The following CSNK1G1 variants were observed in gnomAD, a reference collection of about 807,000 sequenced individuals.
CSNK1G1 encodes the protein casein kinase 1 gamma 1, also known as casein kinase I isoform gamma-1.
CSNK1G1 carries 22 observed loss-of-function variants against 59.6 expected under a neutral mutation model. The ratio of observed to expected loss-of-function variants is 0.37; its 90% CI spans 0.26 to 0.53. The LOEUF is 0.53. Ranked by LOEUF, CSNK1G1 falls within the 20% of genes least tolerant of loss-of-function variation. The pLI, the probability that CSNK1G1 is intolerant of heterozygous loss-of-function variation, is 0.89. For missense variants in CSNK1G1, 384 were observed against 519.5 expected (o/e 0.74, Z 2.54); for synonymous variants, 179 against 177.1 (o/e 1.01, Z -0.08).
At chr15:64,268,973 G>A (rs1448170695) in intron 2 of CSNK1G1, among the ~76,000 whole-genome samples, 1 of 151,614 alleles carries the variant, frequency 6.6e-6, no homozygotes, top group East Asian at 1.9e-4. Flanking sequence ...GCACTGCACA[G>A]TAGTAGGATA....
chr15:64,204,671 G>A, intron 8 of CSNK1G1, 82 bp from the exon 9 acceptor site: 4 of 1,433,712 alleles, frequency 2.8e-6, no homozygotes, highest in Non-Finnish European at 3.9e-6. Context: ...GGCCACAAAG[G>A]GGTTATTTAT....
rs2082284177 is a variant in CSNK1G1, at chr15:64,214,301, T to C, written c.445-177A>G. On this transcript the variant is annotated intron_variant, in intron 5 of 11. Transcript: ENST00000303052. This position sits in a 1 kb window ranked among gnomAD's most constrained non-coding sequence, Gnocchi z 4.3. ...AAACAAAAAAATATTTTGCTATAAA[T>C]ACGTACACAACAAATATCAAGACTA... 1.6e-6 allele frequency: 1 copy of C among 606,822 alleles called. No homozygotes were observed. The highest frequency in any genetic ancestry group is 1.9e-5 in the African/African-American group (1 of 53,934). 37.6% of individuals were successfully genotyped at this position (606,822 alleles called of 1,614,324 possible).
intron 4 of CSNK1G1, among the ~76,000 whole-genome samples, chr15:64,246,805 G>A (rs927633654): frequency 6.6e-6 from 1 of 151,942 alleles, no homozygotes; most frequent in Admixed American, 6.6e-5. Context: ...CCATTTTCCT[G>A]TCATTTACTG....
At chr15:64,265,793 A>C (rs569151797) in intron 2 of CSNK1G1, 4 of 456,534 alleles carry the variant, frequency 8.8e-6, no homozygotes, top group South Asian at 6.2e-5. Context: ...CATTGGAAGA[A>C]AATTGGCCAG....
chr15:64,292,572 T>C (rs1426319101), intron 2 of CSNK1G1, among the ~76,000 whole-genome samples: 1 of 152,206 alleles, frequency 6.6e-6, no homozygotes, highest in Non-Finnish European at 1.5e-5. Flanking sequence ...ATCATACGCC[T>C]GTCTCTCTAG....
intron 4 of CSNK1G1, among the ~76,000 whole-genome samples, chr15:64,223,687 T>C (rs758541960): frequency 6.6e-6 from 1 of 152,208 alleles, no homozygotes; most frequent in Non-Finnish European, 1.5e-5. Context: ...AAATCTCTTA[T>C]AAACCAAACT....
At chr15:64,265,649 T>C (rs1892934845) in intron 2 of CSNK1G1, 1 of 345,628 alleles carries the variant, frequency 2.9e-6, no homozygotes, top group African/African-American at 2.2e-5. Context: ...GACAATCCCA[T>C]TTACAATAGC....
chr15:64,226,507 GA>G (rs2082463969), intron 4 of CSNK1G1, among the ~76,000 whole-genome samples: 1 of 151,542 alleles, frequency 6.6e-6, no homozygotes, highest in South Asian at 2.1e-4. Flanking sequence ...AGTGAGCCAA[GA>G]TCGCAACACT....
intron 1 of CSNK1G1, among the ~76,000 whole-genome samples, chr15:64,341,639 ATTTT>A (rs1014183936): frequency 6.6e-6 from 1 of 151,462 alleles, no homozygotes; most frequent in African/African-American, 2.4e-5. Flanking sequence ...CACCCAGCTA[ATTTT>A]TTTTTATTTT....
At chr15:64,207,426 T>A in intron 7 of CSNK1G1, 83 bp downstream of exon 7, 1 of 1,031,206 alleles carries the variant, frequency 9.7e-7, no homozygotes, top group Non-Finnish European at 1.5e-6. Context: ...CCTACACATT[T>A]CTTAAAAACA....
At position 64,166,531 on chromosome 15, in the gene CSNK1G1, AACACACGCACTCACGTGCGCAC is replaced by A. The variant is rs1415597225; in HGVS notation, c.*5378_*5399del. 2 of 152,936 alleles carry A rather than the reference AACACACGCACTCACGTGCGCAC, an allele frequency of 1.3e-5. No homozygotes were observed. The highest frequency in any genetic ancestry group is 2.9e-5 in the Non-Finnish European group (2 of 68,366). 9.5% of individuals were successfully genotyped at this position (152,936 alleles called of 1,614,324 possible). ...TATGGAAGTGAAATGCACATAGATG[AACACACGCACTCACGTGCGCAC>A]ACACACCACACACACACACAGACAC... On this transcript the variant is annotated 3_prime_UTR_variant, in exon 12 of 12. Transcript: ENST00000303052. This position sits in a 1 kb window ranked among gnomAD's most constrained non-coding sequence, Gnocchi z 4.5.
rs76489508 is a variant in CSNK1G1, at chr15:64,310,310, T to G, written c.-224-9587A>C. On this transcript the variant is annotated intron_variant, in intron 1 of 11. Transcript: ENST00000303052. ...TGCAATTTTATTCTCAGCCTCAATA[T>G]CAATTTACTTCCCTCCACTTGATTC... Among the ~76,000 whole-genome samples, 475 of 151,940 alleles carry G rather than the reference T, an allele frequency of 3.1e-3. 1 individual carries two copies. Among genetic ancestry groups the G allele is most frequent in the African/African-American group, 0.011 (460 of 41,436 alleles).
chr15:64,345,775 C>T (rs916486997), intron 1 of CSNK1G1, among the ~76,000 whole-genome samples: 4 of 152,014 alleles, frequency 2.6e-5, no homozygotes, highest in Non-Finnish European at 4.4e-5. Flanking sequence ...TCCTTATTAA[C>T]GCTTGTAGAA....
Position 64,300,678 on chromosome 15 carries a change from G to A in CSNK1G1, c.-179C>T, listed in dbSNP as rs1325545355. On this transcript the variant is annotated 5_prime_UTR_variant, in exon 2 of 12. Coordinates refer to ENST00000303052, the MANE Select transcript of CSNK1G1 (RefSeq NM_022048.5). ...GAAAAACCATTTATTTGTTCCCGTAGGAAATGTAGTCACTAGGTCTCAATC... is the reference window on the plus strand; with the variant it reads ...GAAAAACCATTTATTTGTTCCCGTAAGAAATGTAGTCACTAGGTCTCAATC... 5 of 1,276,504 alleles carry A rather than the reference G, an allele frequency of 3.9e-6. No homozygotes were observed. The highest frequency in any genetic ancestry group is 2.0e-6 in the Non-Finnish European group (2 of 1,010,892). 79.1% of individuals were successfully genotyped at this position (1,276,504 alleles called of 1,614,324 possible).
At chr15:64,339,081 A>G (rs187429040) in intron 1 of CSNK1G1, among the ~76,000 whole-genome samples, 3 of 152,256 alleles carry the variant, frequency 2.0e-5, no homozygotes, top group Admixed American at 2.0e-4. Flanking sequence ...GGAAAAAGTT[A>G]AGGAGGAGAG....
rs1302800302 is a variant in CSNK1G1 at position 64,277,596 on chromosome 15, TTAA to T, written c.182-18358_182-18356del. The stretch of plus-strand genomic sequence containing the variant: ...AATAAATATATTAATATTAATATAT[TTAA>T]TAATATATTAATATTGGTATATTTA... On this transcript the variant is annotated intron_variant, in intron 2 of 11. Coordinates refer to ENST00000303052, the MANE Select transcript of CSNK1G1 (RefSeq NM_022048.5). Among the ~76,000 whole-genome samples the T allele has an allele frequency of 3.6e-5, 5 of 139,498 alleles. No homozygotes were observed. The South Asian group carries it at 9.1e-4, about 25-fold the overall frequency. 91.5% of individuals were successfully genotyped at this position (139,498 alleles called of 152,430 possible). A position where few individuals can be genotyped will look rare whatever the true frequency, so the allele number is the denominator to read the frequency against.
chr15:64,207,530 G>A lies in CSNK1G1; in HGVS notation c.744C>T (p.Ser248=), dbSNP rs1302548728. 4 of 1,613,418 alleles carry A rather than the reference G, an allele frequency of 2.5e-6. No homozygotes were observed. The highest frequency in any genetic ancestry group is 1.3e-5 in the African/African-American group (1 of 74,896). ...GHMFMYFLRG[S]LPWQGLKADT... is the part of the protein sequence containing the mutation. ...ATACCTTGAGTCCTTGCCAGGGGAG[G>A]CTGCCTCGAAGGAAATACATGAACA... Residue 248 remains serine, a synonymous_variant, in exon 7 of 12, where the codon AGC becomes AGT. Transcript: ENST00000303052.
chr15:64,294,363 C>T (rs1457015144), intron 2 of CSNK1G1, among the ~76,000 whole-genome samples: 1 of 152,036 alleles, frequency 6.6e-6, no homozygotes, highest in Non-Finnish European at 1.5e-5. Flanking sequence ...CATGAGGCAC[C>T]ACGCCCAGCC....
At chr15:64,271,088 T>C (rs560674922) in intron 2 of CSNK1G1, among the ~76,000 whole-genome samples, 1 of 152,072 alleles carries the variant, frequency 6.6e-6, no homozygotes, top group Admixed American at 6.5e-5. Context: ...GTTCAAGTGA[T>C]TCTCCTGACT....
Sources: gnomAD v4.1 joint callset for allele counts (sites outside exome capture counted in the v4.1 genomes callset) on GRCh38, gnomAD v4.1.1 for gene constraint, Gnocchi (gnomAD v3.1) non-coding constraint, MANE v1.5 for transcripts, NCBI Gene and HGNC (gene_info 2026-07-23, HGNC 2026-07-21) for gene names.